KIF18A: variants seen among roughly 807,000 people sequenced by gnomAD.
KIF18A encodes the protein kinesin-like protein KIF18A.
Under a neutral mutation model 103.3 loss-of-function variants are expected in KIF18A, and 67 were observed. The ratio of observed to expected loss-of-function variants is 0.65; its 90% CI spans 0.53 to 0.79. KIF18A has a LOEUF of 0.79. Among genes scored for constraint, KIF18A ranks in the 30% least tolerant of loss-of-function variants. KIF18A has a pLI of 0.00. For missense variants in KIF18A, 1,032 were observed against 1,062.5 expected, an observed-to-expected ratio of 0.97 and a Z score of 0.40; for synonymous variants, 367 against 355.5, an observed-to-expected ratio of 1.03 and a Z score of -0.36.
chr11:28,106,406 T>G (rs1339638509), intron 1 of KIF18A, among the ~76,000 whole-genome samples: 1 of 152,138 alleles, frequency 6.6e-6, no homozygotes, highest in African/African-American at 2.4e-5. Flanking sequence ...CAGTCCATCT[T>G]AAAGCTCTTT....
At chr11:28,090,882 G>T (rs540273161) in intron 4 of KIF18A, among the ~76,000 whole-genome samples, 155 bp from the exon 5 acceptor site, 1 of 152,246 alleles carries the variant, frequency 6.6e-6, no homozygotes, top group African/African-American at 2.4e-5. Context: ...CATCTGCTTA[G>T]TATTGTGTGT....
At chr11:28,045,085 T>A (rs949458596) in intron 13 of KIF18A, among the ~76,000 whole-genome samples, 1 of 152,072 alleles carries the variant, frequency 6.6e-6, no homozygotes, top group Non-Finnish European at 1.5e-5. Flanking sequence ...TTAAGACATA[T>A]AATTGATGAA....
intron 1 of KIF18A, among the ~76,000 whole-genome samples, chr11:28,099,156 T>TA (rs1048035274): frequency 2.6e-5 from 4 of 152,148 alleles, no homozygotes; most frequent in African/African-American, 7.2e-5. Context: ...TATTCAGCCT[T>TA]AAAAAAGACT....
chr11:28,088,254 A>G (rs1396005314), intron 6 of KIF18A, among the ~76,000 whole-genome samples: 1 of 152,178 alleles, frequency 6.6e-6, no homozygotes, highest in East Asian at 1.9e-4. Context: ...ATAAGTGATG[A>G]GAATGTACCA....
chr11:28,085,784 T>C (rs768775167), intron 6 of KIF18A, among the ~76,000 whole-genome samples: 26 of 152,178 alleles, frequency 1.7e-4, no homozygotes, highest in Non-Finnish European at 3.4e-4. Context: ...TGTGTCTTTA[T>C]TTATTACAAT....
chr11:28,066,788 ATT>A (rs1217372138), intron 11 of KIF18A, among the ~76,000 whole-genome samples: 2 of 56,820 alleles, frequency 3.5e-5, no homozygotes, highest in Admixed American at 1.7e-4. Context: ...GAGAAATTAT[ATT>A]ATATTATATT....
chr11:28,023,961 G>C, intron 15 of KIF18A, 111 bp from the exon 16 acceptor site: 3 of 523,750 alleles, frequency 5.7e-6, no homozygotes, highest in Non-Finnish European at 6.7e-6. Context: ...AAAATATTAA[G>C]TTGTGAAATC....
intron 13 of KIF18A, among the ~76,000 whole-genome samples, chr11:28,053,185 G>T (rs1231630068): frequency 6.6e-6 from 1 of 152,076 alleles, no homozygotes; most frequent in Non-Finnish European, 1.5e-5. Flanking sequence ...ATGAGACAAT[G>T]GGGGAAATTT....
At position 28,091,504 on chromosome 11, in the gene KIF18A, C is replaced by A; in HGVS notation, c.493G>T (p.Glu165Ter). The part of the protein sequence containing the change: ...TAVSYLEVYN[E>*]QIRDLLVNSG... ...TTTACTAAGAGATCACGAATCTGTT[C>A]ATTATATACCTTAAAATAAAAAGAA... Residue 165 changes from glutamate to a stop codon, truncating the protein, a stop_gained, in exon 4 of 17, where the codon GAA becomes TAA. Transcript: ENST00000263181. LOFTEE classifies it high-confidence loss of function. 1 of 1,564,740 alleles carries A rather than the reference C, an allele frequency of 6.4e-7. No individual in the cohort carries two copies. Among genetic ancestry groups the A allele is most frequent in the South Asian group, 1.1e-5 (1 of 87,842 alleles).
At chr11:28,060,748 A>G (rs1363634668) in intron 12 of KIF18A, among the ~76,000 whole-genome samples, 1 of 152,202 alleles carries the variant, frequency 6.6e-6, no homozygotes, top group Non-Finnish European at 1.5e-5. Context: ...AATGTGGTTT[A>G]TGCTAAAACA....
chr11:28,057,316 C>A (rs757097763), intron 13 of KIF18A, among the ~76,000 whole-genome samples: 3 of 152,026 alleles, frequency 2.0e-5, no homozygotes, highest in Non-Finnish European at 2.9e-5. Context: ...GAGATTGAGA[C>A]CATCCTGGCT....
chr11:28,049,367 C>T (rs1329950269), intron 13 of KIF18A, among the ~76,000 whole-genome samples: 1 of 151,846 alleles, frequency 6.6e-6, no homozygotes, highest in Non-Finnish European at 1.5e-5. Flanking sequence ...TAAAAATGGG[C>T]AGGGCTTTTG....
At chr11:28,066,442 T>C (rs948740901) in intron 11 of KIF18A, among the ~76,000 whole-genome samples, 7 of 152,036 alleles carry the variant, frequency 4.6e-5, no homozygotes, top group Non-Finnish European at 1.0e-4. Context: ...TGGCTTTATA[T>C]GGAATTTCAG....
Position 28,083,193 on chromosome 11 carries a change from C to T in KIF18A, c.1125G>A (p.Lys375=), listed in dbSNP as rs922644710. The part of the protein sequence containing the change: ...NVNNHITQYV[K]ICNEQKAEIL... ...CCTCTGCCTTCTGCTCATTACAGAT[C>T]TTTACATATTGAGTTATATGATTAT... Residue 375 remains lysine (K), a synonymous_variant, in exon 8 of 17, where the codon AAG becomes AAA. Coordinates refer to ENST00000263181, the MANE Select transcript of KIF18A (RefSeq NM_031217.4). 22 of 1,570,858 alleles carry T rather than the reference C, an allele frequency of 1.4e-5. No individual in the cohort carries two copies. The highest frequency in any genetic ancestry group is 1.8e-5 in the Non-Finnish European group (21 of 1,167,732).
chr11:28,101,749 G>A (rs926636985), intron 1 of KIF18A, among the ~76,000 whole-genome samples: 1 of 152,124 alleles, frequency 6.6e-6, no homozygotes, highest in Non-Finnish European at 1.5e-5. Context: ...ACTGTGACAA[G>A]TGCCATTATA....
intron 13 of KIF18A, among the ~76,000 whole-genome samples, chr11:28,044,921 T>C (rs1424834871): frequency 6.6e-6 from 1 of 152,070 alleles, no homozygotes; most frequent in East Asian, 1.9e-4. Context: ...AGTGAAATCA[T>C]AATGAAAACA....
At chr11:28,049,873 T>C (rs1850690693) in intron 13 of KIF18A, among the ~76,000 whole-genome samples, 1 of 151,764 alleles carries the variant, frequency 6.6e-6, no homozygotes, top group African/African-American at 2.4e-5. Flanking sequence ...TTTAACTATT[T>C]ATAAGATACG....
At chr11:28,091,342 G>T in intron 4 of KIF18A, 67 bp downstream of exon 4, 1 of 790,494 alleles carries the variant, frequency 1.3e-6, no homozygotes, top group Non-Finnish European at 2.1e-6. Flanking sequence ...TAAGTGCATG[G>T]CTGGTGAAAA....
chr11:28,020,762 A>C lies in KIF18A; in HGVS notation c.*438T>G, dbSNP rs1850228098. ...GTATTTTTGAAAAGGAAAGTCATAT[A>C]TATGATTAAAATAATGTATCAAAAC... On this transcript the variant is annotated 3_prime_UTR_variant, in exon 17 of 17. Coordinates refer to ENST00000263181, the MANE Select transcript of KIF18A (RefSeq NM_031217.4). 6.6e-6 allele frequency: 1 copy of C among 152,250 alleles called. No homozygotes were observed. Among genetic ancestry groups the C allele is most frequent in the South Asian group, 2.1e-4 (1 of 4,842 alleles). 9.4% of individuals were successfully genotyped at this position (152,250 alleles called of 1,614,324 possible). A position where few individuals can be genotyped will look rare whatever the true frequency, so the allele number is the denominator to read the frequency against.
Sources: gnomAD v4.1 joint callset for allele counts (sites outside exome capture counted in the v4.1 genomes callset) on GRCh38, gnomAD v4.1.1 for gene constraint, MANE v1.5 for transcripts, NCBI Gene and HGNC (gene_info 2026-07-23, HGNC 2026-07-21) for gene names.